Variants in PCGF3 observed in about 807,000 individuals in gnomAD.
PCGF3 encodes polycomb group RING finger protein 3.
PCGF3 carries 7 observed loss-of-function variants against 33.1 expected under a neutral mutation model. The ratio of observed to expected loss-of-function variants is 0.21; its 90% CI spans 0.12 to 0.40. PCGF3 has a LOEUF of 0.40. Among genes scored for constraint, PCGF3 ranks in the 10% least tolerant of loss-of-function variants. PCGF3 has a pLI of 1.00. For synonymous variants in PCGF3, 153 were observed against 121.3 expected, an observed-to-expected ratio of 1.26 and a Z score of -1.72; for missense variants, 211 against 313.3, an observed-to-expected ratio of 0.67 and a Z score of 2.46.
intron 1 of PCGF3, chr4:722,508 CGCGCCGG>C: frequency 3.2e-6 from 1 of 310,856 alleles, no homozygotes; most frequent in Admixed American, 5.0e-5. Context: ...GGGCTGTGTC[CGCGCCGG>C]GTCCACACTC....
intron 1 of PCGF3, among the ~76,000 whole-genome samples, chr4:714,005 C>T (rs967145882): frequency 2.6e-5 from 4 of 152,280 alleles, no homozygotes; most frequent in Middle Eastern, 3.4e-3. Context: ...GTGGTCCGAA[C>T]GTCTGTGTCC....
intron 3 of PCGF3, among the ~76,000 whole-genome samples, chr4:733,304 C>A (rs551234956): frequency 6.6e-6 from 1 of 152,256 alleles, no homozygotes; most frequent in African/African-American, 2.4e-5. Flanking sequence ...TCTGCCTTCG[C>A]GGGCTCCTCC....
intron 1 of PCGF3, among the ~76,000 whole-genome samples, chr4:717,394 C>CT (rs918711562): frequency 2.6e-5 from 4 of 151,742 alleles, no homozygotes; most frequent in African/African-American, 9.7e-5. Flanking sequence ...TGTGTGCTTA[C>CT]TTTTTTTTTC....
intron 6 of PCGF3, among the ~76,000 whole-genome samples, chr4:742,167 A>C: frequency 8.2e-6 from 1 of 121,224 alleles, no homozygotes. Flanking sequence ...CTCTCTCCCC[A>C]GGCTCTCGGG....
intron 1 of PCGF3, among the ~76,000 whole-genome samples, chr4:711,482 G>A (rs1197197437): frequency 1.6e-5 from 2 of 127,928 alleles, no homozygotes; most frequent in African/African-American, 5.9e-5. Flanking sequence ...ACGGAGTCTC[G>A]CTCTGTCGCC....
intron 9 of PCGF3, chr4:764,473 T>C (rs1745248794): frequency 6.5e-6 from 1 of 153,666 alleles, no homozygotes; most frequent in African/African-American, 2.4e-5. Flanking sequence ...TTCGGCCCTA[T>C]GGGCCTCTCA....
Position 721,309 on chromosome 4 carries a change from T to G in PCGF3, c.-189-9321T>G, listed in dbSNP as rs1743066063. 6.6e-6 allele frequency among the ~76,000 whole-genome samples: 1 copy of G among 152,196 alleles called. No individual in the cohort carries two copies. The highest frequency in any genetic ancestry group is 6.5e-5 in the Admixed American group (1 of 15,280). ...GGAAAGTTCCATAACTCAGCAAAAC[T>G]GACTCACAAACAACAGAAACTTCAA... On this transcript the variant is annotated intron_variant, in intron 1 of 10. Coordinates refer to ENST00000362003, the Ensembl canonical transcript of PCGF3. This position sits in a 1 kb window ranked among gnomAD's most constrained non-coding sequence, Gnocchi z 4.1.
At chr4:737,661 C>G in intron 6 of PCGF3, 140 bp downstream of exon 6, 2 of 638,862 alleles carry the variant, frequency 3.1e-6, no homozygotes, top group Non-Finnish European at 5.6e-6. Context: ...TGCTCTCAGC[C>G]CAACTTCATC....
At chr4:734,418 A>G (rs982006144) in intron 4 of PCGF3, 1 of 1,332,586 alleles carries the variant, frequency 7.5e-7, no homozygotes, top group East Asian at 2.8e-5. Flanking sequence ...TACGCTTATA[A>G]TACAAGTGAT....
chr4:718,753 GC>G (rs1323537236), intron 1 of PCGF3, among the ~76,000 whole-genome samples: 1 of 152,184 alleles, frequency 6.6e-6, no homozygotes, highest in African/African-American at 2.4e-5. Context: ...GTGGGCAGGA[GC>G]CCATGGCCCT....
At chr4:765,132 C>T (rs1364348137) in intron 10 of PCGF3, 68 bp downstream of exon 10, 4 of 1,123,506 alleles carry the variant, frequency 3.6e-6, no homozygotes, top group Non-Finnish European at 5.4e-6. Context: ...CATCTCTTAT[C>T]TAAAATGTTA....
intron 3 of PCGF3, 62 bp from the exon 4 acceptor site, chr4:733,610 C>T (rs958583112): frequency 1.0e-5 from 16 of 1,525,088 alleles, no homozygotes; most frequent in Middle Eastern, 1.7e-4. Flanking sequence ...TGTCAGAGCT[C>T]AGCCAAGGAT....
Position 743,683 on chromosome 4 carries a change from CT to C in PCGF3, c.373+100del, listed in dbSNP as rs996862663. ...TGTCTGCCGGCCCCTCCCACACGCA[CT>C]CACGGGAGAACGTGGGGGAACCTGA... On this transcript the variant is annotated intron_variant, in intron 7 of 10. Transcript: ENST00000362003. 15 of 707,162 alleles carry C rather than the reference CT, an allele frequency of 2.1e-5. No individual in the cohort carries two copies. In the African/African-American group the frequency reaches 2.1e-4, roughly 10 times the overall value. The allele number at this position is 707,162 out of a possible 1,614,324, so 43.8% of individuals were successfully genotyped here.
intron 1 of PCGF3, among the ~76,000 whole-genome samples, chr4:708,021 G>C (rs1392504208): frequency 7.3e-6 from 1 of 137,252 alleles, no homozygotes; most frequent in African/African-American, 2.6e-5. Context: ...TTTCCCCTGG[G>C]GGCCGGGACC....
intron 8 of PCGF3, among the ~76,000 whole-genome samples, chr4:760,082 C>T (rs1744965322): frequency 6.6e-6 from 1 of 152,200 alleles, no homozygotes; most frequent in South Asian, 2.1e-4. Context: ...TTGCTTTTTG[C>T]ACAGAATCCA....
intron 1 of PCGF3, among the ~76,000 whole-genome samples, chr4:729,125 A>C (rs895032033): frequency 4.0e-5 from 6 of 148,616 alleles, no homozygotes; most frequent in South Asian, 4.3e-4. Context: ...AAAAAAAAAA[A>C]AAAACTGGGC....
chr4:760,853 G>T (rs907342042), intron 8 of PCGF3, among the ~76,000 whole-genome samples: 1 of 152,210 alleles, frequency 6.6e-6, no homozygotes, highest in Admixed American at 6.5e-5. Flanking sequence ...TCCGCCTGTG[G>T]CCCTGCTCAA....
intron 1 of PCGF3, among the ~76,000 whole-genome samples, chr4:714,691 A>AC (rs1742732968): frequency 6.6e-6 from 1 of 151,714 alleles, no homozygotes; most frequent in East Asian, 1.9e-4. Flanking sequence ...CATCCTTCCC[A>AC]CCCCACTGCC....
rs577807195 is a variant in PCGF3, at chr4:730,413, C to T, written c.-189-217C>T. ...GCCACGTGCCCACTCCTGCTGTCTC[C>T]GATGCCTTGGGCCTGGGCTCAGAGA... On this transcript the variant is annotated intron_variant, in intron 1 of 10. Coordinates refer to ENST00000362003, the Ensembl canonical transcript of PCGF3. Among the ~76,000 whole-genome samples, 165 of 152,302 alleles carry T rather than the reference C, an allele frequency of 1.1e-3. 2 individuals are homozygous for T. The highest frequency in any genetic ancestry group is 9.3e-4 in the Non-Finnish European group (63 of 68,010).
Sources: gnomAD v4.1 joint callset for allele counts (sites outside exome capture counted in the v4.1 genomes callset) on GRCh38, gnomAD v4.1.1 for gene constraint, Gnocchi (gnomAD v3.1) non-coding constraint, MANE v1.5 for transcripts, NCBI Gene and HGNC (gene_info 2026-07-23, HGNC 2026-07-21) for gene names.